Variants in DGKG observed in about 807,000 individuals in gnomAD.
DGKG encodes DAG kinase gamma.
A neutral mutation model predicts 105.3 loss-of-function variants in DGKG; 78 were observed. That is an observed-to-expected ratio of 0.74 (90% confidence interval 0.62 to 0.89). The LOEUF is 0.89. Among genes scored for constraint, DGKG ranks in the 40% least tolerant of loss-of-function variants. The pLI is 0.00. For missense variants in DGKG, 958 were observed against 1,020.1 expected (o/e 0.94, Z 0.83); for synonymous variants, 346 against 367.1 (o/e 0.94, Z 0.66).
At chr3:186,205,692 A>G (rs1170502125) in intron 21 of DGKG, among the ~76,000 whole-genome samples, 1 of 149,952 alleles carries the variant, frequency 6.7e-6, no homozygotes. Flanking sequence ...CCTGGGTGAC[A>G]GCAAGAGCTC....
At chr3:186,317,387 C>T (rs548509072) in intron 2 of DGKG, among the ~76,000 whole-genome samples, 17 of 152,324 alleles carry the variant, frequency 1.1e-4, no homozygotes, top group Non-Finnish European at 2.2e-4. Flanking sequence ...GAGCTATGGA[C>T]TGACCCCTCA....
intron 19 of DGKG, among the ~76,000 whole-genome samples, chr3:186,250,848 C>T (rs569845718): frequency 1.3e-5 from 2 of 152,072 alleles, no homozygotes; most frequent in African/African-American, 2.4e-5. Flanking sequence ...CCGTGCCTGA[C>T]CAATTCTGTC....
At chr3:186,351,654 C>T (rs529508073) in intron 1 of DGKG, among the ~76,000 whole-genome samples, 1 of 152,286 alleles carries the variant, frequency 6.6e-6, no homozygotes, top group East Asian at 1.9e-4. Flanking sequence ...TTGACAGGTA[C>T]ATTAGTTATA....
At chr3:186,347,546 A>G (rs933235522) in intron 1 of DGKG, among the ~76,000 whole-genome samples, 1 of 150,090 alleles carries the variant, frequency 6.7e-6, no homozygotes, top group African/African-American at 2.4e-5. Context: ...TACTTTTTAT[A>G]TTAATGTTTC....
chr3:186,205,076 G>A (rs1355811980), intron 21 of DGKG, among the ~76,000 whole-genome samples: 5 of 151,880 alleles, frequency 3.3e-5, no homozygotes, highest in African/African-American at 1.2e-4. Context: ...GGCCAACATG[G>A]CGAAACCCCG....
At chr3:186,239,600 G>C (rs758967802) in intron 20 of DGKG, among the ~76,000 whole-genome samples, 1 of 152,194 alleles carries the variant, frequency 6.6e-6, no homozygotes, top group African/African-American at 2.4e-5. Context: ...GAATAGGCAG[G>C]GTAGAAGCAG....
intron 1 of DGKG, among the ~76,000 whole-genome samples, chr3:186,335,377 A>G (rs780069566): frequency 3.2e-4 from 48 of 152,276 alleles, no homozygotes; most frequent in Non-Finnish European, 3.8e-4. Flanking sequence ...TCATTTGATA[A>G]TTGTGGTGAG....
chr3:186,329,682 A>T (rs1725508725), intron 1 of DGKG, among the ~76,000 whole-genome samples: 1 of 152,250 alleles, frequency 6.6e-6, no homozygotes, highest in Admixed American at 6.5e-5. Flanking sequence ...TCGCAACTTG[A>T]CAAGTGCCCC....
chr3:186,178,959 G>C (rs992726503), intron 22 of DGKG, among the ~76,000 whole-genome samples: 3 of 152,132 alleles, frequency 2.0e-5, no homozygotes, highest in Non-Finnish European at 4.4e-5. Flanking sequence ...ATTTATTCTT[G>C]ATATTCTTTG....
chr3:186,276,283 T>C (rs1195040870), intron 9 of DGKG, among the ~76,000 whole-genome samples: 2 of 152,250 alleles, frequency 1.3e-5, no homozygotes, highest in Non-Finnish European at 2.9e-5. Flanking sequence ...AATGTGCTCA[T>C]GATACAATGT....
intron 1 of DGKG, among the ~76,000 whole-genome samples, chr3:186,338,041 G>A (rs2108657737): frequency 6.6e-6 from 1 of 151,774 alleles, no homozygotes; most frequent in South Asian, 2.1e-4. Context: ...GTGATGGTGT[G>A]TACCTGTAGT....
In DGKG at chr3:186,272,262, C is replaced by A; in HGVS notation, c.992G>T (p.Ser331Ile). The A allele has an allele frequency of 2.5e-6, 4 of 1,613,374 alleles. No homozygotes were observed. The highest frequency in any genetic ancestry group is 3.4e-6 in the Non-Finnish European group (4 of 1,179,316). ...GCAGTAGATGTCACCAACCTCACCA[C>A]TCCTTTTGGCTTTTGAGTACGTTTT... ...CVKTYSKAKR[S>I]GEVMQHAWVE... The change falls in exon 11 of 25, where the codon AGT becomes ATT. Residue 331 changes from serine to isoleucine, a missense_variant. Physicochemically the swap from Ser to Ile is moderately radical, Grantham distance 142. This residue lies in a region of DGKG where 643 missense variants were observed against 619.5 expected (regional missense o/e 1.04). Transcript: ENST00000265022.
intron 1 of DGKG, among the ~76,000 whole-genome samples, chr3:186,344,192 C>T (rs753661975): frequency 1.3e-5 from 2 of 152,128 alleles, no homozygotes; most frequent in Non-Finnish European, 2.9e-5. Context: ...CTTCAAAGAG[C>T]TAAAAGCAGA....
intron 19 of DGKG, among the ~76,000 whole-genome samples, chr3:186,248,796 G>T (rs968383569): frequency 1.3e-5 from 2 of 152,174 alleles, no homozygotes; most frequent in Non-Finnish European, 2.9e-5. Flanking sequence ...ATGATTCCAA[G>T]CTCTGCCACT....
intron 20 of DGKG, among the ~76,000 whole-genome samples, chr3:186,218,169 G>A (rs987112644): frequency 7.9e-5 from 12 of 152,052 alleles, no homozygotes; most frequent in Non-Finnish European, 1.5e-4. Flanking sequence ...CTTCATGAGA[G>A]TCACTCAGCA....
At chr3:186,164,271 C>A (rs1396921555) in intron 23 of DGKG, among the ~76,000 whole-genome samples, 1 of 152,170 alleles carries the variant, frequency 6.6e-6, no homozygotes, top group Non-Finnish European at 1.5e-5. Flanking sequence ...GGAGAAGAAT[C>A]TCAGACAAAA....
At chr3:186,174,895 C>G (rs564787572) in intron 22 of DGKG, among the ~76,000 whole-genome samples, 122 of 152,280 alleles carry the variant, frequency 8.0e-4, no homozygotes, top group Non-Finnish European at 1.4e-3. Context: ...AAAGCCCCAT[C>G]AAAGCATGTA....
At chr3:186,218,509 A>AC in intron 20 of DGKG, among the ~76,000 whole-genome samples, 1 of 149,652 alleles carries the variant, frequency 6.7e-6, no homozygotes, top group Admixed American at 6.7e-5. Context: ...TCTGAAAAAA[A>AC]AAAAAAAAAA....
intron 3 of DGKG, 174 bp downstream of exon 3, chr3:186,306,727 G>A (rs1471556562): frequency 1.7e-6 from 1 of 597,594 alleles, no homozygotes; most frequent in African/African-American, 1.9e-5. Context: ...ATGAGTGTAT[G>A]GGCTTGGGAA....
Sources: allele counts gnomAD v4.1 joint callset (sites outside exome capture counted in the v4.1 genomes callset), GRCh38; gene constraint gnomAD v4.1.1; regional missense constraint gnomAD v4.1.1; transcripts MANE v1.5; gene names NCBI Gene and HGNC (gene_info 2026-07-23, HGNC 2026-07-21).